Variants in TLE2 observed in about 807,000 individuals in gnomAD.
TLE2 encodes transducin-like enhancer protein 2.
A neutral mutation model predicts 97.2 loss-of-function variants in TLE2; 74 were observed. That is an observed-to-expected ratio of 0.76 (90% confidence interval 0.63 to 0.92). The LOEUF (loss-of-function observed/expected upper bound fraction) is 0.92. Ranked by LOEUF, TLE2 falls within the 40% of genes least tolerant of loss-of-function variation. The pLI, the probability that TLE2 is intolerant of heterozygous loss-of-function variation, is 0.00. For synonymous variants in TLE2, 499 were observed against 432.1 expected (o/e 1.15, Z -1.92); for missense variants, 1,038 against 1,008.7 (o/e 1.03, Z -0.39).
rs765140675 is a variant in TLE2 at position 3,019,309 on chromosome 19, G to A, written c.524C>T (p.Ala175Val). The change falls in exon 7 of 20, where the codon GCG becomes GTG. Residue 175 changes from alanine (A) to valine (V), a missense_variant. Transcript: ENST00000262953. The surrounding 1 kb of genome is among the most constrained non-coding windows in gnomAD (Gnocchi z 5.1). ...QLAAAVKEDR[A>V]GVEAEGSRVE... ...TCTGGACCCCTCGGCCTCCACGCCC[G>A]CACGGTCCTCCTTGACAGCCGCCGC... The A allele has an allele frequency of 3.2e-5, 50 of 1,576,746 alleles. No individual in the cohort carries two copies. The highest frequency in any genetic ancestry group is 6.7e-5 in the African/African-American group (5 of 74,276).
At chr19:3,039,263 C>A (rs368492751) in intron 1 of TLE2, among the ~76,000 whole-genome samples, 7 of 151,756 alleles carry the variant, frequency 4.6e-5, no homozygotes, top group African/African-American at 1.7e-4. Context: ...GAGTCCATCC[C>A]TCCCTTGCTC....
rs201967670 is a variant in TLE2, at chr19:3,000,637, C to T, written c.2124+10G>A. Reference sequence around the variant, plus strand: ...CCCTGCCAGAGTGGGGGCTCCAGACCGCCGAGTACCTGGAAAATGCTGGCC... The same window carrying T: ...CCCTGCCAGAGTGGGGGCTCCAGACTGCCGAGTACCTGGAAAATGCTGGCC... On this transcript the variant is annotated intron_variant, in intron 19 of 19. Coordinates refer to ENST00000262953, the MANE Select transcript of TLE2 (RefSeq NM_003260.5). The T allele has an allele frequency of 6.4e-5, 101 of 1,573,922 alleles. No individual in the cohort carries two copies. In the African/African-American group the frequency reaches 1.2e-3, roughly 19 times the overall value.
At chr19:3,014,422 G>A (rs1468777157) in intron 10 of TLE2, 148 bp downstream of exon 10, 13 of 619,640 alleles carry the variant, frequency 2.1e-5, no homozygotes, top group South Asian at 1.4e-4. Flanking sequence ...GAGGTGTCCC[G>A]GAGTCCCTGA....
chr19:3,011,110 C>G lies in TLE2; in HGVS notation c.924G>C (p.Pro308=). 6.2e-7 allele frequency: 1 copy of G among 1,610,276 alleles called. No individual in the cohort carries two copies. The highest frequency in any genetic ancestry group is 8.5e-7 in the Non-Finnish European group (1 of 1,178,734). Residue 308 remains proline (P), a synonymous_variant, in exon 12 of 20, where the codon CCG becomes CCC. Coordinates refer to ENST00000262953, the MANE Select transcript of TLE2 (RefSeq NM_003260.5). ...GCCCGGGGGTGGAAGCGTCCTGGGGCGGGGAGGAGTCACAGGATTTGGAGG... is the reference window on the plus strand; with the variant it reads ...GCCCGGGGGTGGAAGCGTCCTGGGGGGGGGAGGAGTCACAGGATTTGGAGG... ...TPASKSCDSS[P]PQDASTPGPS...
intron 1 of TLE2, among the ~76,000 whole-genome samples, chr19:3,039,650 C>G (rs1022510754): frequency 2.0e-5 from 3 of 152,056 alleles, no homozygotes; most frequent in Non-Finnish European, 4.4e-5. Flanking sequence ...ACGGTCTGCC[C>G]AGGCCCCAAC....
intron 3 of TLE2, 43 bp from the exon 4 acceptor site, chr19:3,027,916 G>T (rs779115664): frequency 6.3e-7 from 1 of 1,581,704 alleles, no homozygotes; most frequent in South Asian, 1.2e-5. Context: ...GGTGGAGATG[G>T]GTGCCCTCCT....
chr19:3,004,652 G>A (rs1192261869), intron 17 of TLE2, among the ~76,000 whole-genome samples: 2 of 151,278 alleles, frequency 1.3e-5, no homozygotes, highest in Non-Finnish European at 2.9e-5. Flanking sequence ...TCGGAGTTAG[G>A]AGTTAGCTCC....
chr19:3,038,556 C>T (rs1284844215), intron 1 of TLE2, among the ~76,000 whole-genome samples: 2 of 152,232 alleles, frequency 1.3e-5, no homozygotes, highest in South Asian at 2.1e-4. Flanking sequence ...TCTCCCCTCA[C>T]GCTCCACATC....
Position 3,014,573 on chromosome 19 carries a change from G to T in TLE2, c.720C>A (p.Asp240Glu), listed in dbSNP as rs374904106. ...EDKSDYNLVVDEDQPSEPPSP... is the reference protein window; with the variant it reads ...EDKSDYNLVVEEDQPSEPPSP... ...GAGGCTGGACCCCTGGACTCACCTCGTCCACCACCAGATTGTAATCACTCT... is the reference window on the plus strand; with the variant it reads ...GAGGCTGGACCCCTGGACTCACCTCTTCCACCACCAGATTGTAATCACTCT... Residue 240 changes from aspartate to glutamate, a missense_variant, in exon 10 of 20, where the codon GAC becomes GAA. Physicochemically the swap from Asp to Glu is conservative, Grantham distance 45 (BLOSUM62 2). Transcript: ENST00000262953. The T allele has an allele frequency of 1.3e-6, 2 of 1,589,540 alleles. No individual in the cohort carries two copies. The highest frequency in any genetic ancestry group is 3.5e-5 in the Admixed American group (2 of 57,184).
intron 7 of TLE2, 74 bp from the exon 8 acceptor site, chr19:3,017,933 T>C (rs940952179): frequency 7.6e-6 from 11 of 1,450,352 alleles, no homozygotes; most frequent in East Asian, 4.7e-5. Context: ...CGCCAGAGGG[T>C]ACAGCCCTCC....
chr19:3,030,432 C>G (rs2145218509), upstream of TLE2, among the ~76,000 whole-genome samples: 1 of 152,304 alleles, frequency 6.6e-6, no homozygotes, highest in South Asian at 2.1e-4. Context: ...TGAAGTCAAT[C>G]AACAAACGTG....
At chr19:3,016,027 C>T in intron 8 of TLE2, 1 of 545,238 alleles carries the variant, frequency 1.8e-6, no homozygotes. Context: ...ACCCCCGCCT[C>T]CCGGGTTCAA....
chr19:3,028,582 T>C (rs1185441544), intron 2 of TLE2, 124 bp downstream of exon 2: 3 of 1,160,942 alleles, frequency 2.6e-6, no homozygotes, highest in Non-Finnish European at 3.7e-6. Context: ...CGCTTCCACC[T>C]GGAGGCCTTT....
chr19:3,014,025 C>A (rs1400345528), intron 10 of TLE2, among the ~76,000 whole-genome samples: 1 of 150,692 alleles, frequency 6.6e-6, no homozygotes, highest in African/African-American at 2.4e-5. Flanking sequence ...GTTACCCAGG[C>A]TGGAGTAATG....
At chr19:3,014,659 C>T in intron 9 of TLE2, 45 bp from the exon 10 acceptor site, 1 of 1,525,258 alleles carries the variant, frequency 6.6e-7, no homozygotes, top group Non-Finnish European at 8.8e-7. Flanking sequence ...CATGCCCCTG[C>T]CTCCACACCC....
At chr19:3,008,412 T>C (rs2089519534) in intron 14 of TLE2, among the ~76,000 whole-genome samples, 1 of 152,034 alleles carries the variant, frequency 6.6e-6, no homozygotes, top group East Asian at 1.9e-4. Flanking sequence ...GGAGAGCCAG[T>C]GGAACTCTGA....
At chr19:3,008,560 C>T (rs907199219) in intron 14 of TLE2, among the ~76,000 whole-genome samples, 40 of 151,980 alleles carry the variant, frequency 2.6e-4, no homozygotes, top group African/African-American at 9.7e-4. Context: ...AAGTGATTCT[C>T]CTGCCTCAGC....
Position 3,028,361 on chromosome 19 carries a change from C to A in TLE2, c.144G>T (p.Lys48Asn). 6.2e-7 allele frequency: 1 copy of A among 1,609,014 alleles called. No homozygotes were observed. The highest frequency in any genetic ancestry group is 8.5e-7 in the Non-Finnish European group (1 of 1,177,518). The change falls in exon 3 of 20, where the codon AAG becomes AAT. Residue 48 changes from lysine to asparagine, a missense_variant. Transcript: ENST00000262953. ...GCATTTCCGTCTTCTCGCTGGCCAG[C>A]TTCTCACATTCTAGCTTGAGGCTGA... The part of the protein sequence containing the change: ...QYHSLKLECE[K>N]LASEKTEMQR...
Position 3,015,777 on chromosome 19 carries a change from G to GC in TLE2, c.571-18dup. The GC allele has an allele frequency of 6.3e-7, 1 of 1,577,008 alleles. No individual in the cohort carries two copies. Among genetic ancestry groups the GC allele is most frequent in the Non-Finnish European group, 8.6e-7 (1 of 1,158,374 alleles). The stretch of plus-strand genomic sequence containing the variant: ...AGATGCACTCTGCGGAGAGACAAAG[G>GC]CCGGGGGGAGAAAGGGTCAGGGCCC... On this transcript the variant is annotated splice_polypyrimidine_tract_variant and intron_variant, in intron 8 of 19. Transcript: ENST00000262953.
Sources: allele counts gnomAD v4.1 joint callset (sites outside exome capture counted in the v4.1 genomes callset), GRCh38; gene constraint gnomAD v4.1.1; non-coding constraint Gnocchi (gnomAD v3.1); transcripts MANE v1.5; gene names NCBI Gene and HGNC (gene_info 2026-07-23, HGNC 2026-07-21).